PTPRD: variants seen among roughly 807,000 people sequenced by gnomAD.
The protein encoded by PTPRD is receptor-type tyrosine-protein phosphatase delta.
PTPRD carries 34 observed loss-of-function variants against 214.5 expected under a neutral mutation model. The ratio of observed to expected loss-of-function variants is 0.16; its 90% confidence interval spans 0.12 to 0.21. The LOEUF (loss-of-function observed/expected upper bound fraction) is 0.21. PTPRD is among the 10% of genes least tolerant of loss of function. The probability of loss-of-function intolerance (pLI) is 1.00; values close to 1 mark genes in which losing one functional copy is unlikely to be tolerated. For missense variants in PTPRD, 2,545 were observed against 2,398.7 expected, an observed-to-expected ratio of 1.06 and a Z score of -1.27; for synonymous variants, 1,128 against 845.7, an observed-to-expected ratio of 1.33 and a Z score of -5.79.
At chr9:9,486,886 T>C (rs1308042254) in intron 8 of PTPRD, among the ~76,000 whole-genome samples, 1 of 152,184 alleles carries the variant, frequency 6.6e-6, no homozygotes, top group African/African-American at 2.4e-5. Flanking sequence ...GTATGGGTCA[T>C]GCCTGCTTTC....
chr9:10,246,612 T>C lies in PTPRD; in HGVS notation c.-545+94351A>G, dbSNP rs539514421. On this transcript the variant is annotated intron_variant, in intron 3 of 45. Transcript: ENST00000381196. ...TAAACAACTACTTAGGGCAGGAAGA[T>C]TGTTAGATGATGATGCCTATGACGA... 3.5e-4 allele frequency among the ~76,000 whole-genome samples: 53 copies of C among 152,150 alleles called. 1 individual carries two copies. Among genetic ancestry groups the C allele is most frequent in the East Asian group, 1.9e-4 (1 of 5,198 alleles).
intron 11 of PTPRD, among the ~76,000 whole-genome samples, chr9:8,814,931 T>C (rs538599650): frequency 3.9e-5 from 6 of 152,320 alleles, no homozygotes; most frequent in South Asian, 2.1e-4. Context: ...TTCATATCAA[T>C]AGAAAGTAAC....
rs1455169287 is a variant in PTPRD, at chr9:10,017,017, G to A, written c.-472+16701C>T. ...GATAGTAATGAGAAGTTTGTGTCAC[G>A]GTTGAAACACCTTTAGTCTCATAAG... is the stretch of plus-strand genomic sequence containing the variant. On this transcript the variant is annotated intron_variant, in intron 4 of 45. Transcript: ENST00000381196. Among the ~76,000 whole-genome samples the A allele has an allele frequency of 2.6e-5, 4 of 152,172 alleles. No individual in the cohort carries two copies. In the South Asian group the frequency reaches 6.2e-4, roughly 24 times the overall value.
chr9:8,852,523 G>A (rs1022593239), intron 11 of PTPRD, among the ~76,000 whole-genome samples: 2 of 152,174 alleles, frequency 1.3e-5, no homozygotes, highest in African/African-American at 4.8e-5. Context: ...GACCTGCCAC[G>A]TAAAAGCAGC....
chr9:10,018,528 A>G (rs2096772293), intron 4 of PTPRD, among the ~76,000 whole-genome samples: 1 of 141,910 alleles, frequency 7.0e-6, no homozygotes, highest in Admixed American at 7.4e-5. Context: ...TTTATTTAAG[A>G]ATTACATTTC....
At chr9:8,762,304 A>G (rs2094460240) in intron 11 of PTPRD, among the ~76,000 whole-genome samples, 1 of 152,184 alleles carries the variant, frequency 6.6e-6, no homozygotes, top group Non-Finnish European at 1.5e-5. Flanking sequence ...TTTGTTTCCT[A>G]CTGACAGTAT....
At chr9:8,636,875 T>C (rs778049933) in intron 12 of PTPRD, 31 bp from the exon 13 acceptor site, 13 of 1,605,884 alleles carry the variant, frequency 8.1e-6, no homozygotes, top group East Asian at 2.2e-5. Flanking sequence ...CACAGTTAAA[T>C]TGAAAACTGA....
chr9:9,360,391 A>G (rs919890142), intron 9 of PTPRD, among the ~76,000 whole-genome samples: 2 of 151,294 alleles, frequency 1.3e-5, no homozygotes, highest in Admixed American at 1.3e-4. Flanking sequence ...AGACTTAGGC[A>G]AGTAAAATCC....
intron 11 of PTPRD, among the ~76,000 whole-genome samples, chr9:8,870,946 G>A (rs1384796147): frequency 6.6e-6 from 1 of 152,170 alleles, no homozygotes. Context: ...AGGGTAGAAA[G>A]GCTTTATGCC....
intron 9 of PTPRD, among the ~76,000 whole-genome samples, chr9:9,257,855 C>A (rs973222591): frequency 1.3e-5 from 2 of 151,864 alleles, no homozygotes; most frequent in African/African-American, 4.8e-5. Flanking sequence ...ACATTAGGGA[C>A]AAGTGGTCTT....
intron 12 of PTPRD, among the ~76,000 whole-genome samples, chr9:8,728,326 T>C (rs1223283555): frequency 1.3e-5 from 2 of 152,246 alleles, no homozygotes; most frequent in Non-Finnish European, 2.9e-5. Flanking sequence ...ATAACACTCA[T>C]AATCTAAAAC....
chr9:9,751,987 A>C (rs948439543), intron 6 of PTPRD, among the ~76,000 whole-genome samples: 1 of 152,162 alleles, frequency 6.6e-6, no homozygotes, highest in African/African-American at 2.4e-5. Context: ...TTGGTAGATT[A>C]TACAACAACT....
chr9:10,294,435 C>G (rs2095617057), intron 3 of PTPRD, among the ~76,000 whole-genome samples: 1 of 151,924 alleles, frequency 6.6e-6, no homozygotes, highest in Non-Finnish European at 1.5e-5. Context: ...TTATGTGGTG[C>G]TTTCCACAAT....
intron 3 of PTPRD, among the ~76,000 whole-genome samples, chr9:10,242,157 C>G (rs535598604): frequency 1.4e-4 from 22 of 152,016 alleles, no homozygotes; most frequent in African/African-American, 5.3e-4. Context: ...TTTTCTGTAC[C>G]ATTAGCTTTC....
intron 3 of PTPRD, among the ~76,000 whole-genome samples, chr9:10,190,236 G>C (rs1171726337): frequency 6.6e-6 from 1 of 151,468 alleles, no homozygotes; most frequent in Non-Finnish European, 1.5e-5. Flanking sequence ...GTGTGGTGCA[G>C]TGGTCCTGAA....
At chr9:9,751,743 G>A (rs1409844735) in intron 6 of PTPRD, among the ~76,000 whole-genome samples, 1 of 152,030 alleles carries the variant, frequency 6.6e-6, no homozygotes, top group Non-Finnish European at 1.5e-5. Flanking sequence ...CACCATCAGA[G>A]CTAGGAGGGG....
At chr9:10,508,293 A>G (rs1407381340) in intron 2 of PTPRD, among the ~76,000 whole-genome samples, 2 of 152,110 alleles carry the variant, frequency 1.3e-5, no homozygotes, top group Admixed American at 6.5e-5. Context: ...AAGTCAGGAA[A>G]CAACAGGTGC....
chr9:9,872,084 T>C (rs1382297788), intron 5 of PTPRD, among the ~76,000 whole-genome samples: 1 of 152,130 alleles, frequency 6.6e-6, no homozygotes, highest in Non-Finnish European at 1.5e-5. Flanking sequence ...CTCCCCTCTA[T>C]AATTGTTCAC....
At chr9:9,788,551 C>CAAAA (rs371559861) in intron 5 of PTPRD, among the ~76,000 whole-genome samples, 1 of 117,434 alleles carries the variant, frequency 8.5e-6, no homozygotes, top group African/African-American at 3.3e-5. Flanking sequence ...AGCTCCGTCT[C>CAAAA]AAAAAAAAAA....
Sources: allele counts gnomAD v4.1 joint callset (sites outside exome capture counted in the v4.1 genomes callset), GRCh38; gene constraint gnomAD v4.1.1; transcripts MANE v1.5; gene names NCBI Gene and HGNC (gene_info 2026-07-23, HGNC 2026-07-21).